Variants in DENND5B observed in about 807,000 individuals in gnomAD.
DENND5B encodes DENN domain-containing protein 5B.
Under a neutral mutation model 140.6 loss-of-function variants are expected in DENND5B, and 34 were observed. That is an observed-to-expected ratio of 0.24 (90% CI 0.18 to 0.32). The LOEUF is 0.32. Among genes scored for constraint, DENND5B ranks in the 10% least tolerant of loss-of-function variants. DENND5B has a pLI of 1.00. For synonymous variants in DENND5B, 551 were observed against 562.1 expected (o/e 0.98, Z 0.28); for missense variants, 1,142 against 1,560.2 (o/e 0.73, Z 4.52).
intron 9 of DENND5B, among the ~76,000 whole-genome samples, chr12:31,425,819 TG>T (rs1943204738): frequency 6.6e-6 from 1 of 152,226 alleles, no homozygotes; most frequent in Admixed American, 6.5e-5. Context: ...CAATTTGTAC[TG>T]CTACCTCCAA....
At chr12:31,447,821 T>A in intron 5 of DENND5B, 52 bp from the exon 6 acceptor site, 1 of 1,251,124 alleles carries the variant, frequency 8.0e-7, no homozygotes. Flanking sequence ...ATCTCAACAC[T>A]ACATGATAAG....
At chr12:31,447,951 C>T (rs561113952) in intron 5 of DENND5B, among the ~76,000 whole-genome samples, 182 bp from the exon 6 acceptor site, 35 of 152,228 alleles carry the variant, frequency 2.3e-4, no homozygotes, top group African/African-American at 7.2e-4. Flanking sequence ...AGAGAATGTA[C>T]GTCACTTAGG....
chr12:31,402,874 T>TC (rs1941884158), intron 14 of DENND5B, among the ~76,000 whole-genome samples: 1 of 152,130 alleles, frequency 6.6e-6, no homozygotes, highest in Admixed American at 6.6e-5. Flanking sequence ...AGCATGTATA[T>TC]CATCATGTAT....
At position 31,429,285 on chromosome 12, in the gene DENND5B, GCA is replaced by G. The variant is rs1943401469; in HGVS notation, c.2107-2863_2107-2862del. On this transcript the variant is annotated intron_variant, in intron 8 of 20. Transcript: ENST00000389082. ...GCCTCCCAAAGTGCTGGGATTACATGCATGAGCCACCCTGCCCAGCGAGTTTA... is the reference window on the plus strand; with the variant it reads ...GCCTCCCAAAGTGCTGGGATTACATGTGAGCCACCCTGCCCAGCGAGTTTA... 1.1e-4 allele frequency among the ~76,000 whole-genome samples: 16 copies of G among 152,264 alleles called. No homozygotes were observed. In the South Asian group the frequency reaches 3.3e-3, roughly 32 times the overall value.
intron 1 of DENND5B, among the ~76,000 whole-genome samples, chr12:31,543,839 C>T (rs954939028): frequency 1.3e-5 from 2 of 152,206 alleles, no homozygotes; most frequent in Non-Finnish European, 2.9e-5. Context: ...TACTCTCTAT[C>T]CATAAGATAC....
At chr12:31,416,078 C>T (rs1314767806) in intron 11 of DENND5B, among the ~76,000 whole-genome samples, 1 of 152,022 alleles carries the variant, frequency 6.6e-6, no homozygotes, top group Non-Finnish European at 1.5e-5. Flanking sequence ...CTGAGGTGAT[C>T]CGCCTGCCTC....
chr12:31,561,798 C>CA (rs1260861343), intron 1 of DENND5B, among the ~76,000 whole-genome samples: 2 of 152,100 alleles, frequency 1.3e-5, no homozygotes, highest in Non-Finnish European at 2.9e-5. Context: ...TAACTACAGT[C>CA]AAAATGAGGT....
intron 1 of DENND5B, among the ~76,000 whole-genome samples, chr12:31,521,450 G>A (rs1187029941): frequency 1.3e-5 from 2 of 152,004 alleles, no homozygotes; most frequent in Non-Finnish European, 2.9e-5. Context: ...ACTGCACCTG[G>A]CTATTCTACC....
At position 31,474,907 on chromosome 12, in the gene DENND5B, T is replaced by C. The variant is rs143180582; in HGVS notation, c.904+4682A>G. Reference sequence around the variant, plus strand: ...ATTACTTCGCATGACACCTTTACAATAGACCCACAGAATGAGTTAATCATT... The same window carrying C: ...ATTACTTCGCATGACACCTTTACAACAGACCCACAGAATGAGTTAATCATT... On this transcript the variant is annotated intron_variant, in intron 3 of 20. Transcript: ENST00000389082. 1.2e-4 allele frequency among the ~76,000 whole-genome samples: 18 copies of C among 152,348 alleles called. No homozygotes were observed. The East Asian group carries it at 2.9e-3, about 24-fold the overall frequency.
intron 11 of DENND5B, among the ~76,000 whole-genome samples, chr12:31,416,373 C>T (rs1275092868): frequency 1.3e-5 from 2 of 151,930 alleles, no homozygotes; most frequent in African/African-American, 4.8e-5. Context: ...AAGCAATTCT[C>T]ATGCCTCAGC....
At chr12:31,453,230 T>C (rs35981245) in intron 4 of DENND5B, among the ~76,000 whole-genome samples, 25,610 of 152,250 alleles carry the variant, frequency 0.17, 2,524 homozygotes, top group Non-Finnish European at 0.23. Context: ...TATGTAACTA[T>C]GCACTTGATT....
At chr12:31,526,038 T>C (rs1347727879) in intron 1 of DENND5B, among the ~76,000 whole-genome samples, 1 of 152,150 alleles carries the variant, frequency 6.6e-6, no homozygotes, top group Non-Finnish European at 1.5e-5. Flanking sequence ...AAGGGCAAGT[T>C]TAAATGTGAT....
intron 6 of DENND5B, 119 bp downstream of exon 6, chr12:31,447,419 C>G (rs746502530): frequency 2.3e-6 from 2 of 861,924 alleles, no homozygotes; most frequent in Non-Finnish European, 3.5e-6. Context: ...TGATATAGTA[C>G]CAGGATTAGC....
chr12:31,398,275 T>A lies in DENND5B; in HGVS notation c.3156A>T (p.Ser1052=), dbSNP rs761808285. 52 of 1,572,938 alleles carry A rather than the reference T, an allele frequency of 3.3e-5. No individual in the cohort carries two copies. Among genetic ancestry groups the A allele is most frequent in the Non-Finnish European group, 4.4e-5 (51 of 1,158,446 alleles). ...ILIGELMTSA[S]DEDLVKQCRT... Reference sequence around the variant, plus strand: ...GACACTGCTTTACTAGATCTTCATCTGATGCTGATGTCATCAACTCTCCAA... The same window carrying A: ...GACACTGCTTTACTAGATCTTCATCAGATGCTGATGTCATCAACTCTCCAA... The change falls in exon 17 of 21, where the codon TCA becomes TCT. Residue 1052 remains serine, a synonymous_variant. Transcript: ENST00000389082.
intron 4 of DENND5B, among the ~76,000 whole-genome samples, chr12:31,457,640 G>C (rs543296234): frequency 6.6e-6 from 1 of 152,096 alleles, no homozygotes; most frequent in Admixed American, 6.5e-5. Context: ...CCAGAACAAA[G>C]AGGCTGTTAG....
At chr12:31,524,041 CTTTTTT>C (rs148193944) in intron 1 of DENND5B, among the ~76,000 whole-genome samples, 1 of 121,570 alleles carries the variant, frequency 8.2e-6, no homozygotes, top group Non-Finnish European at 1.7e-5. Flanking sequence ...CTACTGAGCC[CTTTTTT>C]TTTTTTTTTT....
chr12:31,476,672 C>T (rs560474445), intron 3 of DENND5B, among the ~76,000 whole-genome samples: 2 of 152,172 alleles, frequency 1.3e-5, no homozygotes, highest in African/African-American at 2.4e-5. Context: ...CTCAACTACT[C>T]GGGACGCTGA....
chr12:31,574,929 A>G (rs1388004497), intron 1 of DENND5B, among the ~76,000 whole-genome samples: 1 of 152,162 alleles, frequency 6.6e-6, no homozygotes, highest in Non-Finnish European at 1.5e-5. Context: ...AAAATAACCT[A>G]TTTTCACATA....
chr12:31,391,025 A>T (rs1439172842), intron 19 of DENND5B, among the ~76,000 whole-genome samples: 3 of 152,174 alleles, frequency 2.0e-5, no homozygotes, highest in African/African-American at 7.2e-5. Context: ...CAAACAAACA[A>T]ACAAAAACGT....
Sources: gnomAD v4.1 joint callset for allele counts (sites outside exome capture counted in the v4.1 genomes callset) on GRCh38, gnomAD v4.1.1 for gene constraint, MANE v1.5 for transcripts, NCBI Gene and HGNC (gene_info 2026-07-23, HGNC 2026-07-21) for gene names.